Variants in PLEKHM3 observed in about 807,000 individuals in gnomAD.
PLEKHM3 encodes the protein pleckstrin homology domain containing M3.
In PLEKHM3, 45 loss-of-function variants were observed where a neutral mutation model predicts 81.8. The ratio of observed to expected loss-of-function variants is 0.55; its 90% confidence interval spans 0.43 to 0.71. The LOEUF is 0.71. Ranked by LOEUF, PLEKHM3 falls within the 30% of genes least tolerant of loss-of-function variation. The pLI is 0.00. For synonymous variants in PLEKHM3, 352 were observed against 356.4 expected (o/e 0.99, Z 0.14); for missense variants, 788 against 924.3 (o/e 0.85, Z 1.91).
At chr2:207,943,799 C>T (rs1021049830) in intron 4 of PLEKHM3, among the ~76,000 whole-genome samples, 1 of 138,070 alleles carries the variant, frequency 7.2e-6, no homozygotes, top group Non-Finnish European at 1.5e-5. Flanking sequence ...ACCCGGGAGG[C>T]GCAGCTTGCA....
At chr2:207,949,197 C>T (rs1337408093) in intron 3 of PLEKHM3, among the ~76,000 whole-genome samples, 2 of 152,204 alleles carry the variant, frequency 1.3e-5, no homozygotes, top group Non-Finnish European at 2.9e-5. Context: ...TCATTAATAT[C>T]GCTGTTAAAA....
chr2:207,915,263 T>C (rs1688949686), intron 5 of PLEKHM3, among the ~76,000 whole-genome samples: 1 of 152,172 alleles, frequency 6.6e-6, no homozygotes, highest in African/African-American at 2.4e-5. Flanking sequence ...TCAGAGCCCT[T>C]ATATTATGTA....
intron 2 of PLEKHM3, among the ~76,000 whole-genome samples, chr2:207,997,459 A>G (rs777488046): frequency 2.6e-5 from 4 of 152,232 alleles, no homozygotes; most frequent in Non-Finnish European, 5.9e-5. Context: ...ATTCAAGGTG[A>G]GTTCAGAAAA....
At chr2:207,849,481 CA>C (rs2092401106) in intron 7 of PLEKHM3, among the ~76,000 whole-genome samples, 1 of 152,134 alleles carries the variant, frequency 6.6e-6, no homozygotes, top group South Asian at 2.1e-4. Context: ...TACTTGTGCA[CA>C]AAGAAAAACT....
At chr2:207,904,653 G>A (rs1688547150) in intron 6 of PLEKHM3, among the ~76,000 whole-genome samples, 1 of 152,144 alleles carries the variant, frequency 6.6e-6, no homozygotes, top group African/African-American at 2.4e-5. Flanking sequence ...AATCTCCTTT[G>A]TAAAGCAATT....
intron 3 of PLEKHM3, among the ~76,000 whole-genome samples, chr2:207,956,367 G>A (rs2105988020): frequency 6.6e-6 from 1 of 152,022 alleles, no homozygotes; most frequent in African/African-American, 2.4e-5. Flanking sequence ...CAGCTGCTTG[G>A]GAGGCTGAGG....
chr2:207,848,201 T>C (rs1466278324), intron 7 of PLEKHM3, among the ~76,000 whole-genome samples: 1 of 152,206 alleles, frequency 6.6e-6, no homozygotes, highest in Non-Finnish European at 1.5e-5. Context: ...CCTTCTCCTC[T>C]GGAGTTTTGT....
At position 207,969,581 on chromosome 2, in the gene PLEKHM3, A is replaced by G. The variant is rs1691041244; in HGVS notation, c.1546+7070T>C. 2.0e-5 allele frequency among the ~76,000 whole-genome samples: 3 copies of G among 152,204 alleles called. No homozygotes were observed. The South Asian group carries it at 6.2e-4, about 31-fold the overall frequency. ...GTTTAATATATTTTGCTTTCATAGG[A>G]GCTTGAAATGATTTGTTTTTGCAGC... On this transcript the variant is annotated intron_variant, in intron 3 of 7. Transcript: ENST00000427836.
chr2:207,831,747 C>T (rs1285414299), intron 7 of PLEKHM3, among the ~76,000 whole-genome samples: 1 of 152,194 alleles, frequency 6.6e-6, no homozygotes, highest in African/African-American at 2.4e-5. Context: ...CTCCTCCTTC[C>T]AGTGAGGATA....
chr2:207,992,344 TG>T (rs1225474015), intron 2 of PLEKHM3, among the ~76,000 whole-genome samples: 1 of 152,208 alleles, frequency 6.6e-6, no homozygotes. Context: ...GTTAAACTGT[TG>T]TGAGTATTAA....
chr2:208,018,098 G>A (rs563038415), intron 1 of PLEKHM3, among the ~76,000 whole-genome samples: 5 of 152,128 alleles, frequency 3.3e-5, no homozygotes, highest in African/African-American at 1.2e-4. Flanking sequence ...TCTCCGGCTG[G>A]GCGCAGTGGT....
At position 208,009,049 on chromosome 2, in the gene PLEKHM3, G is replaced by T. The variant is rs1478084669; in HGVS notation, c.-318-7092C>A. 3.3e-5 allele frequency among the ~76,000 whole-genome samples: 5 copies of T among 152,166 alleles called. No homozygotes were observed. The East Asian group carries it at 7.7e-4, about 23-fold the overall frequency. On this transcript the variant is annotated intron_variant, in intron 1 of 7. Coordinates refer to ENST00000427836, the MANE Select transcript of PLEKHM3 (RefSeq NM_001080475.3). ...TCAGTTATTTATTCAGTAAGTATTTGCTGAGTGCCTACTATGGGGGGGACA... is the reference window on the plus strand; with the variant it reads ...TCAGTTATTTATTCAGTAAGTATTTTCTGAGTGCCTACTATGGGGGGGACA...
chr2:207,903,330 G>C (rs1016595190), intron 6 of PLEKHM3, among the ~76,000 whole-genome samples: 3 of 152,136 alleles, frequency 2.0e-5, no homozygotes, highest in Non-Finnish European at 4.4e-5. Context: ...TCTCACAAGA[G>C]GGGTGTGTGT....
chr2:207,921,414 T>C (rs1689179555), intron 5 of PLEKHM3, among the ~76,000 whole-genome samples: 1 of 152,132 alleles, frequency 6.6e-6, no homozygotes, highest in Non-Finnish European at 1.5e-5. Flanking sequence ...ATTGATAGAG[T>C]ACAATGTACT....
intron 7 of PLEKHM3, chr2:207,852,867 A>C: frequency 9.5e-6 from 4 of 420,968 alleles, no homozygotes; most frequent in Non-Finnish European, 1.4e-5. Context: ...AGAAAAAAAA[A>C]ACCCCAAACC....
At chr2:207,985,878 C>T (rs905950362) in intron 2 of PLEKHM3, among the ~76,000 whole-genome samples, 1 of 151,586 alleles carries the variant, frequency 6.6e-6, no homozygotes, top group Non-Finnish European at 1.5e-5. Context: ...GTCCCAGCTA[C>T]TCGGGAAGCT....
intron 6 of PLEKHM3, among the ~76,000 whole-genome samples, chr2:207,882,897 C>T (rs990326547): frequency 9.9e-5 from 15 of 152,008 alleles, no homozygotes; most frequent in Middle Eastern, 3.4e-3. Flanking sequence ...TACAGGTGCC[C>T]GCCACCATGC....
intron 1 of PLEKHM3, among the ~76,000 whole-genome samples, chr2:208,020,807 C>T (rs1484319677): frequency 2.6e-5 from 4 of 152,164 alleles, no homozygotes; most frequent in Admixed American, 6.5e-5. Flanking sequence ...ACCAATGGGG[C>T]CACAGACACT....
At chr2:208,002,144 C>T (rs1348238855) in intron 1 of PLEKHM3, among the ~76,000 whole-genome samples, 187 bp from the exon 2 acceptor site, 1 of 152,224 alleles carries the variant, frequency 6.6e-6, no homozygotes, top group East Asian at 1.9e-4. Flanking sequence ...TAAAAACTTA[C>T]ACGGAGCAGG....
Sources: allele counts gnomAD v4.1 joint callset (sites outside exome capture counted in the v4.1 genomes callset), GRCh38; gene constraint gnomAD v4.1.1; transcripts MANE v1.5; gene names NCBI Gene and HGNC (gene_info 2026-07-23, HGNC 2026-07-21).